ADAMTSL3: variants seen among roughly 807,000 people sequenced by gnomAD.
ADAMTSL3 encodes ADAMTS like 3.
In ADAMTSL3, 128 loss-of-function variants were observed where a neutral mutation model predicts 201.7. The observed-to-expected ratio is 0.63, with a 90% confidence interval of 0.55 to 0.73. The LOEUF is 0.73. Among genes scored for constraint, ADAMTSL3 ranks in the 30% least tolerant of loss-of-function variants. The pLI is 0.00. For missense variants in ADAMTSL3, 1,990 were observed against 2,119.6 expected, an observed-to-expected ratio of 0.94 and a Z score of 1.20; for synonymous variants, 738 against 748.4, an observed-to-expected ratio of 0.99 and a Z score of 0.23.
intron 4 of ADAMTSL3, among the ~76,000 whole-genome samples, chr15:83,785,455 G>T (rs532687242): frequency 1.3e-5 from 2 of 152,072 alleles, no homozygotes; most frequent in African/African-American, 4.8e-5. Context: ...CTTGGTGTAC[G>T]GTGTTGCTTA....
chr15:83,696,879 A>G (rs1596044242), intron 2 of ADAMTSL3, among the ~76,000 whole-genome samples: 1 of 152,182 alleles, frequency 6.6e-6, no homozygotes, highest in South Asian at 2.1e-4. Context: ...AAATCTAAAG[A>G]GAAAGTGAAT....
intron 9 of ADAMTSL3, among the ~76,000 whole-genome samples, chr15:83,878,678 T>C (rs557879769): frequency 6.6e-6 from 1 of 152,360 alleles, no homozygotes; most frequent in South Asian, 2.1e-4. Context: ...AGGTGTATCC[T>C]TTTATATATC....
At chr15:83,812,755 A>G (rs2063717383) in intron 5 of ADAMTSL3, among the ~76,000 whole-genome samples, 1 of 152,226 alleles carries the variant, frequency 6.6e-6, no homozygotes, top group African/African-American at 2.4e-5. Flanking sequence ...ACTTCCTCAC[A>G]CTTAACTGAA....
chr15:84,035,738 A>G (rs2068491716), intron 28 of ADAMTSL3, among the ~76,000 whole-genome samples: 1 of 152,234 alleles, frequency 6.6e-6, no homozygotes, highest in Admixed American at 6.5e-5. Context: ...GATAACAAAA[A>G]TATCTCATAG....
chr15:83,847,065 T>C (rs1354208103), intron 7 of ADAMTSL3, among the ~76,000 whole-genome samples: 1 of 152,166 alleles, frequency 6.6e-6, no homozygotes, highest in Admixed American at 6.5e-5. Flanking sequence ...GGAGCAGATG[T>C]TTCTGCATAG....
intron 15 of ADAMTSL3, among the ~76,000 whole-genome samples, chr15:83,904,310 C>T (rs2065793588): frequency 6.6e-6 from 1 of 152,078 alleles, no homozygotes. Flanking sequence ...CCACTTCTGA[C>T]TCTATTCATT....
intron 3 of ADAMTSL3, 91 bp downstream of exon 3, chr15:83,704,599 T>G: frequency 6.5e-7 from 1 of 1,533,274 alleles, no homozygotes; most frequent in Non-Finnish European, 8.9e-7. Flanking sequence ...GTAATTATAT[T>G]TTCCTCTTTG....
chr15:83,932,644 C>T (rs2066382662), intron 17 of ADAMTSL3, among the ~76,000 whole-genome samples: 1 of 152,142 alleles, frequency 6.6e-6, no homozygotes, highest in Non-Finnish European at 1.5e-5. Flanking sequence ...CTACAAGTAG[C>T]CCTTTATGTA....
intron 6 of ADAMTSL3, among the ~76,000 whole-genome samples, chr15:83,823,778 C>T (rs1234068248): frequency 6.6e-6 from 1 of 152,194 alleles, no homozygotes; most frequent in African/African-American, 2.4e-5. Context: ...CCTTCAATGG[C>T]TTGTCCTTGC....
At chr15:83,663,907 T>C (rs1247519680) in intron 2 of ADAMTSL3, among the ~76,000 whole-genome samples, 1 of 152,222 alleles carries the variant, frequency 6.6e-6, no homozygotes, top group Non-Finnish European at 1.5e-5. Context: ...TTTTTCTCTT[T>C]CTACCTCTCT....
chr15:83,899,916 C>T (rs1299114731), intron 15 of ADAMTSL3, among the ~76,000 whole-genome samples, 185 bp downstream of exon 15: 1 of 152,188 alleles, frequency 6.6e-6, no homozygotes, highest in Non-Finnish European at 1.5e-5. Flanking sequence ...CCTCCTTTGG[C>T]AGTTTCTCTG....
intron 21 of ADAMTSL3, among the ~76,000 whole-genome samples, chr15:83,986,000 C>G (rs1369566795): frequency 2.0e-5 from 3 of 151,736 alleles, no homozygotes; most frequent in Non-Finnish European, 4.4e-5. Flanking sequence ...GTCAAGAATA[C>G]AGTAATTACT....
chr15:83,665,211 G>A (rs1176118417), intron 2 of ADAMTSL3, among the ~76,000 whole-genome samples: 1 of 152,168 alleles, frequency 6.6e-6, no homozygotes, highest in Non-Finnish European at 1.5e-5. Context: ...GATTACATGG[G>A]CTTGAGAGAG....
chr15:83,895,538 CT>C (rs1301994315), intron 13 of ADAMTSL3, among the ~76,000 whole-genome samples: 3 of 152,172 alleles, frequency 2.0e-5, no homozygotes, highest in Non-Finnish European at 4.4e-5. Flanking sequence ...CAAATATATT[CT>C]CAGTGATGAG....
At chr15:83,946,263 T>A (rs907616094) in intron 19 of ADAMTSL3, among the ~76,000 whole-genome samples, 5 of 152,338 alleles carry the variant, frequency 3.3e-5, no homozygotes, top group South Asian at 4.1e-4. Context: ...GTCCGCTCTC[T>A]CAGTGAATAA....
chr15:83,860,419 A>G (rs1264714206), intron 8 of ADAMTSL3, among the ~76,000 whole-genome samples: 1 of 152,174 alleles, frequency 6.6e-6, no homozygotes, highest in African/African-American at 2.4e-5. Context: ...GAATACTGTG[A>G]TTTTCAAATA....
intron 8 of ADAMTSL3, among the ~76,000 whole-genome samples, chr15:83,863,432 A>G (rs1407619323): frequency 6.6e-6 from 1 of 152,260 alleles, no homozygotes; most frequent in Admixed American, 6.5e-5. Flanking sequence ...ACCACAGTGC[A>G]ATCAAACTAG....
intron 20 of ADAMTSL3, among the ~76,000 whole-genome samples, chr15:83,975,277 C>T (rs1567275692): frequency 1.3e-5 from 2 of 151,804 alleles, no homozygotes; most frequent in Non-Finnish European, 1.5e-5. Context: ...GCTGGGATTA[C>T]AGGCGTGAGC....
intron 17 of ADAMTSL3, among the ~76,000 whole-genome samples, chr15:83,936,622 A>C (rs894429800): frequency 3.3e-5 from 5 of 150,988 alleles, no homozygotes. Context: ...TTCATGACAA[A>C]GATGCCAAAA....
Sources: allele counts gnomAD v4.1 joint callset (sites outside exome capture counted in the v4.1 genomes callset), GRCh38; gene constraint gnomAD v4.1.1; transcripts MANE v1.5; gene names NCBI Gene and HGNC (gene_info 2026-07-23, HGNC 2026-07-21).